The following FAM13A variants were observed in gnomAD, a reference collection of about 807,000 sequenced individuals.
FAM13A encodes protein FAM13A.
Under a neutral mutation model 129.6 loss-of-function variants are expected in FAM13A, and 76 were observed. The observed-to-expected ratio is 0.59, with a 90% CI of 0.49 to 0.71. FAM13A has a LOEUF of 0.71. Among genes scored for constraint, FAM13A ranks in the 30% least tolerant of loss-of-function variants. The probability of loss-of-function intolerance (pLI) is 0.00; values close to 1 mark genes in which losing one functional copy is unlikely to be tolerated. For synonymous variants in FAM13A, 443 were observed against 449.9 expected, an observed-to-expected ratio of 0.98 and a Z score of 0.20; for missense variants, 1,108 against 1,249.3, an observed-to-expected ratio of 0.89 and a Z score of 1.70.
chr4:88,799,187 A>T (rs1230356532), intron 8 of FAM13A, among the ~76,000 whole-genome samples: 36 of 152,234 alleles, frequency 2.4e-4, no homozygotes, highest in Admixed American at 2.4e-3. Flanking sequence ...TAAACTTTGT[A>T]GCCATTCCTC....
intron 5 of FAM13A, among the ~76,000 whole-genome samples, chr4:88,923,021 A>C (rs1751402006): frequency 6.6e-6 from 1 of 152,348 alleles, no homozygotes; most frequent in Admixed American, 6.5e-5. Context: ...ATCTCTGAAT[A>C]GACCAATAAC....
intron 6 of FAM13A, among the ~76,000 whole-genome samples, chr4:88,904,584 G>A (rs116097040): frequency 4.8e-3 from 727 of 152,220 alleles, no homozygotes; most frequent in African/African-American, 0.017. Flanking sequence ...CATGGACACC[G>A]GGAGGGGAAT....
rs147184269 is a variant in FAM13A at position 88,748,752 on chromosome 4, G to A, written c.2161+200C>T. Among the ~76,000 whole-genome samples, 385 of 152,270 alleles carry A rather than the reference G, an allele frequency of 2.5e-3. 3 individuals are homozygous for A. The highest frequency in any genetic ancestry group is 8.5e-3 in the African/African-American group (355 of 41,564). The stretch of plus-strand genomic sequence containing the variant: ...GAAATGAAGAAATGCTGCAGAATTC[G>A]CCTCTTAGCTGATCGGGTTGCCCTG... On this transcript the variant is annotated intron_variant, in intron 17 of 23. Coordinates refer to ENST00000264344, the MANE Select transcript of FAM13A (RefSeq NM_014883.4).
At chr4:88,904,281 G>A (rs1467406519) in intron 6 of FAM13A, among the ~76,000 whole-genome samples, 2 of 152,110 alleles carry the variant, frequency 1.3e-5, no homozygotes, top group East Asian at 3.9e-4. Context: ...ATGTCCAAAA[G>A]AATATAAATC....
intron 4 of FAM13A, among the ~76,000 whole-genome samples, chr4:88,989,164 C>T (rs1489654303): frequency 1.3e-5 from 2 of 150,554 alleles, no homozygotes; most frequent in Non-Finnish European, 3.0e-5. Flanking sequence ...GCCGAGATCT[C>T]ACCACTGCAC....
chr4:88,984,517 G>A (rs557439753), intron 4 of FAM13A, among the ~76,000 whole-genome samples: 1 of 151,934 alleles, frequency 6.6e-6, no homozygotes, highest in African/African-American at 2.4e-5. Flanking sequence ...TATACAAATG[G>A]CCAATAAGCA....
chr4:89,009,728 A>G (rs779354889), intron 3 of FAM13A, among the ~76,000 whole-genome samples: 82 of 152,336 alleles, frequency 5.4e-4, no homozygotes, highest in Non-Finnish European at 1.1e-3. Flanking sequence ...ACAAAGTAAC[A>G]TTTAATATCA....
At chr4:88,961,961 C>T (rs3846287) in intron 4 of FAM13A, among the ~76,000 whole-genome samples, 88,978 of 151,470 alleles carry the variant, frequency 0.59, 26,383 homozygotes, top group African/African-American at 0.69. Flanking sequence ...ATTATAAAAA[C>T]GATTAAATTC....
At chr4:89,027,814 C>T (rs1488334162) in intron 2 of FAM13A, among the ~76,000 whole-genome samples, 1 of 152,036 alleles carries the variant, frequency 6.6e-6, no homozygotes, top group Non-Finnish European at 1.5e-5. Context: ...GTGGCATATA[C>T]ACATGGATAC....
At chr4:88,854,068 A>G (rs560833345) in intron 6 of FAM13A, among the ~76,000 whole-genome samples, 3 of 152,318 alleles carry the variant, frequency 2.0e-5, no homozygotes, top group East Asian at 3.9e-4. Flanking sequence ...GCTTGCAGAC[A>G]GCCTATTGTG....
chr4:88,731,510 C>T lies in FAM13A; in HGVS notation c.2844-82G>A, dbSNP rs1371192261. On this transcript the variant is annotated intron_variant, in intron 22 of 23. Transcript: ENST00000264344. ...TGATGAATGTGTAACTCAACAGGAG[C>T]TGTGCAGAAAGGGGAGGCAAGTAAA... 3 of 804,558 alleles carry T rather than the reference C, an allele frequency of 3.7e-6. No homozygotes were observed. In the African/African-American group the frequency reaches 5.1e-5, roughly 14 times the overall value. 49.8% of individuals were successfully genotyped at this position (804,558 alleles called of 1,614,324 possible). A position where few individuals can be genotyped will look rare whatever the true frequency, so the allele number is the denominator to read the frequency against.
At position 88,740,105 on chromosome 4, in the gene FAM13A, T is replaced by C. The variant is rs956645396; in HGVS notation, c.2467-980A>G. On this transcript the variant is annotated intron_variant, in intron 19 of 23. Transcript: ENST00000264344. ...AGCTTCAGAAATAAAGTAGGTTGTC[T>C]CAACCCTCTTGTCCAATTCCCTCTA... is the stretch of plus-strand genomic sequence containing the variant. 7.9e-5 allele frequency among the ~76,000 whole-genome samples: 12 copies of C among 152,316 alleles called. No individual in the cohort carries two copies. In the South Asian group the frequency reaches 8.3e-4, roughly 11 times the overall value.
At chr4:88,914,566 T>C (rs905582367) in intron 5 of FAM13A, among the ~76,000 whole-genome samples, 1 of 152,204 alleles carries the variant, frequency 6.6e-6, no homozygotes, top group African/African-American at 2.4e-5. Flanking sequence ...TGTGCATTCA[T>C]TCTTATCTTT....
intron 1 of FAM13A, among the ~76,000 whole-genome samples, chr4:89,032,579 T>C (rs1263751728): frequency 6.6e-6 from 1 of 152,174 alleles, no homozygotes; most frequent in Non-Finnish European, 1.5e-5. Flanking sequence ...ATCTCCTGAG[T>C]TTTATACCAG....
chr4:88,811,161 T>A (rs532063063), intron 7 of FAM13A, among the ~76,000 whole-genome samples: 1 of 152,248 alleles, frequency 6.6e-6, no homozygotes, highest in African/African-American at 2.4e-5. Flanking sequence ...TGAGTGTAGA[T>A]GGTAAAGAAA....
intron 4 of FAM13A, among the ~76,000 whole-genome samples, chr4:88,959,243 T>A (rs899697034): frequency 2.6e-5 from 4 of 152,222 alleles, no homozygotes; most frequent in Non-Finnish European, 5.9e-5. Context: ...GAAAAGGACA[T>A]GAGATTTGGG....
chr4:88,945,984 G>GTGTGTGTATGTATGTA (rs1197321632), intron 4 of FAM13A, among the ~76,000 whole-genome samples: 27 of 25,878 alleles, frequency 1.0e-3, no homozygotes, highest in African/African-American at 4.8e-3. Flanking sequence ...GTGTGTGTGT[G>GTGTGTGTATGTATGTA]TGTGTGTATA....
At chr4:88,748,157 G>C (rs1364244214) in intron 17 of FAM13A, among the ~76,000 whole-genome samples, 1 of 152,190 alleles carries the variant, frequency 6.6e-6, no homozygotes, top group Non-Finnish European at 1.5e-5. Context: ...CTCCCAAAGT[G>C]CTGGGATTAC....
chr4:89,028,380 T>C (rs1217659999), intron 2 of FAM13A, among the ~76,000 whole-genome samples: 1 of 152,004 alleles, frequency 6.6e-6, no homozygotes, highest in Non-Finnish European at 1.5e-5. Context: ...CCTCAAGTTT[T>C]ACATTTAAAA....
Sources: allele counts gnomAD v4.1 joint callset (sites outside exome capture counted in the v4.1 genomes callset), GRCh38; gene constraint gnomAD v4.1.1; transcripts MANE v1.5; gene names NCBI Gene and HGNC (gene_info 2026-07-23, HGNC 2026-07-21).